GALK2: variants seen among roughly 807,000 people sequenced by gnomAD.
GALK2 encodes the protein galactokinase 2, also known as N-acetylgalactosamine kinase.
In GALK2, 36 loss-of-function variants were observed where a neutral mutation model predicts 52.4. That is an observed-to-expected ratio of 0.69 (90% CI 0.53 to 0.91). The LOEUF (loss-of-function observed/expected upper bound fraction) is 0.91. Ranked by LOEUF, GALK2 falls within the 40% of genes least tolerant of loss-of-function variation. GALK2 has a pLI of 0.00. For missense variants in GALK2, 579 were observed against 559.1 expected (o/e 1.04, Z -0.36); for synonymous variants, 176 against 199.1 (o/e 0.88, Z 0.98).
chr15:49,259,381 T>G (rs2091980883), intron 5 of GALK2, among the ~76,000 whole-genome samples: 1 of 123,274 alleles, frequency 8.1e-6, no homozygotes, highest in African/African-American at 3.1e-5. Flanking sequence ...GATGTTCCCC[T>G]TCCTGTGTCC....
chr15:49,354,340 T>C (rs2042720501), intron 3 of GALK2, among the ~76,000 whole-genome samples: 1 of 152,186 alleles, frequency 6.6e-6, no homozygotes, highest in Non-Finnish European at 1.5e-5. Context: ...GGTACCGGGT[T>C]CATCTCACTA....
intron 3 of GALK2, among the ~76,000 whole-genome samples, chr15:49,357,526 A>G (rs1190569318): frequency 6.6e-6 from 1 of 152,108 alleles, no homozygotes; most frequent in Non-Finnish European, 1.5e-5. Flanking sequence ...CACTCTCCCA[A>G]GACTAAACCA....
intron 5 of GALK2, among the ~76,000 whole-genome samples, chr15:49,280,451 G>C (rs2032522624): frequency 6.6e-6 from 1 of 152,172 alleles, no homozygotes; most frequent in South Asian, 2.1e-4. Context: ...GTAAAGAACA[G>C]CATTTGTTTA....
At chr15:49,339,550 G>A (rs1052357934) in intron 3 of GALK2, among the ~76,000 whole-genome samples, 1 of 152,188 alleles carries the variant, frequency 6.6e-6, no homozygotes, top group Non-Finnish European at 1.5e-5. Context: ...CCTGTAGGAG[G>A]TGTCTGTTGG....
intron 1 of GALK2, among the ~76,000 whole-genome samples, chr15:49,162,409 T>C (rs2084684036): frequency 6.6e-6 from 1 of 152,238 alleles, no homozygotes; most frequent in Non-Finnish European, 1.5e-5. Flanking sequence ...TTTAAGTTTT[T>C]TTCAGTTTGT....
intron 8 of GALK2, among the ~76,000 whole-genome samples, chr15:49,293,258 C>T (rs1057238958): frequency 6.6e-6 from 1 of 152,188 alleles, no homozygotes; most frequent in Non-Finnish European, 1.5e-5. Flanking sequence ...TGAGTTGCTA[C>T]TGTAGATTTA....
intron 1 of GALK2, among the ~76,000 whole-genome samples, chr15:49,189,389 G>C (rs2086572378): frequency 6.6e-6 from 1 of 152,032 alleles, no homozygotes; most frequent in African/African-American, 2.4e-5. Context: ...GTTCTTTATA[G>C]CAAAATACAG....
At chr15:49,214,977 G>A (rs1040937055) in intron 2 of GALK2, among the ~76,000 whole-genome samples, 1 of 152,114 alleles carries the variant, frequency 6.6e-6, no homozygotes, top group African/African-American at 2.4e-5. Context: ...ATGTTTGAAG[G>A]ATAATTTTAC....
At chr15:49,167,550 G>A (rs1306941829), upstream of GALK2, among the ~76,000 whole-genome samples, 1 of 152,046 alleles carries the variant, frequency 6.6e-6, no homozygotes, top group African/African-American at 2.4e-5. Flanking sequence ...GTAGAGATGG[G>A]GTTTCACCAT....
At chr15:49,182,985 T>G (rs1566912267) in intron 1 of GALK2, among the ~76,000 whole-genome samples, 1 of 152,184 alleles carries the variant, frequency 6.6e-6, no homozygotes, top group African/African-American at 2.4e-5. Flanking sequence ...GCTTTTTAAC[T>G]TGATGTGATC....
At chr15:49,245,072 C>G (rs1026019249) in intron 5 of GALK2, among the ~76,000 whole-genome samples, 1 of 151,774 alleles carries the variant, frequency 6.6e-6, no homozygotes, top group South Asian at 2.1e-4. Context: ...GAACAATAAT[C>G]TCAGTAATTA....
At chr15:49,179,648 C>G (rs976318886) in intron 1 of GALK2, among the ~76,000 whole-genome samples, 2 of 124,154 alleles carry the variant, frequency 1.6e-5, no homozygotes, top group South Asian at 2.7e-4. Flanking sequence ...TTCTTTGTTT[C>G]TTTCTTTTTT....
At chr15:49,354,719 G>A (rs1253507860) in intron 3 of GALK2, among the ~76,000 whole-genome samples, 5 of 152,166 alleles carry the variant, frequency 3.3e-5, no homozygotes, top group East Asian at 1.9e-4. Context: ...CGGGAAGCTC[G>A]AACTGGGTGG....
intron 8 of GALK2, among the ~76,000 whole-genome samples, chr15:49,297,990 C>T (rs1043710678): frequency 4.0e-5 from 6 of 151,778 alleles, no homozygotes; most frequent in Admixed American, 6.6e-5. Context: ...AGCATTGAAT[C>T]TGTAAATTGC....
intron 3 of GALK2, chr15:49,344,027 A>T (rs1257104308): frequency 6.6e-6 from 1 of 152,262 alleles, no homozygotes; most frequent in East Asian, 1.9e-4. Flanking sequence ...TTTAATAAAC[A>T]TTCAACATTA....
chr15:49,292,206 A>G (rs745846479), intron 7 of GALK2, 121 bp from the exon 8 acceptor site: 20 of 810,654 alleles, frequency 2.5e-5, no homozygotes, highest in Non-Finnish European at 3.3e-5. Flanking sequence ...GGAAAGTTGG[A>G]TAGGTTGAAA....
chr15:49,343,880 C>A (rs542219553), intron 3 of GALK2: 2 of 152,266 alleles, frequency 1.3e-5, no homozygotes, highest in South Asian at 4.1e-4. Flanking sequence ...AATAAGTGTC[C>A]ATATGAACTA....
intron 3 of GALK2, among the ~76,000 whole-genome samples, chr15:49,344,731 T>C (rs1329164343): frequency 1.3e-5 from 2 of 152,140 alleles, no homozygotes; most frequent in Non-Finnish European, 2.9e-5. Context: ...TTAGCTTTTT[T>C]CCCCACTTTG....
chr15:49,185,209 C>G (rs2086258218), intron 1 of GALK2, among the ~76,000 whole-genome samples: 1 of 152,228 alleles, frequency 6.6e-6, no homozygotes, highest in Non-Finnish European at 1.5e-5. Context: ...AGCTCTTACT[C>G]ATAAGTAAGA....
Sources: allele counts gnomAD v4.1 joint callset (sites outside exome capture counted in the v4.1 genomes callset), GRCh38; gene constraint gnomAD v4.1.1; transcripts MANE v1.5; gene names NCBI Gene and HGNC (gene_info 2026-07-23, HGNC 2026-07-21).